The following PTPRM variants were observed in gnomAD, a reference collection of about 807,000 sequenced individuals.
The protein encoded by PTPRM is protein tyrosine phosphatase receptor type M, also known as receptor-type tyrosine-protein phosphatase mu.
In PTPRM, 47 loss-of-function variants were observed where a neutral mutation model predicts 186.7. The observed-to-expected ratio is 0.25, with a 90% CI of 0.20 to 0.32. PTPRM has a LOEUF of 0.32. Ranked by LOEUF, PTPRM falls within the 10% of genes least tolerant of loss-of-function variation. The pLI is 1.00. For synonymous variants in PTPRM, 668 were observed against 674.9 expected, an observed-to-expected ratio of 0.99 and a Z score of 0.16; for missense variants, 1,494 against 1,865.0, an observed-to-expected ratio of 0.80 and a Z score of 3.66.
intron 7 of PTPRM, among the ~76,000 whole-genome samples, chr18:8,016,334 A>G (rs1042257615): frequency 1.3e-5 from 2 of 152,146 alleles, no homozygotes; most frequent in African/African-American, 4.8e-5. Flanking sequence ...AGCCTGGCCA[A>G]CATGGTGAAA....
At chr18:8,007,143 G>C (rs1036131866) in intron 7 of PTPRM, among the ~76,000 whole-genome samples, 18 of 152,176 alleles carry the variant, frequency 1.2e-4, no homozygotes, top group African/African-American at 4.3e-4. Flanking sequence ...GGAATCTGCA[G>C]TTTCACAAGT....
chr18:8,230,083 C>G (rs2094266873), intron 14 of PTPRM, among the ~76,000 whole-genome samples: 1 of 152,190 alleles, frequency 6.6e-6, no homozygotes, highest in Non-Finnish European at 1.5e-5. Flanking sequence ...GTCCTTCTGT[C>G]TGGTTTCTTT....
intron 1 of PTPRM, among the ~76,000 whole-genome samples, chr18:7,676,688 T>C (rs73939330): frequency 0.18 from 27,718 of 150,004 alleles, 4,839 homozygotes; most frequent in African/African-American, 0.45. Context: ...TGTGTGTGTG[T>C]GCGCGTGCAC....
At chr18:7,936,243 C>G (rs1165275351) in intron 5 of PTPRM, among the ~76,000 whole-genome samples, 1 of 152,170 alleles carries the variant, frequency 6.6e-6, no homozygotes, top group Non-Finnish European at 1.5e-5. Flanking sequence ...AGGCTGGGAG[C>G]AGGCAGGAGC....
chr18:7,937,237 G>A (rs571169436), intron 5 of PTPRM, among the ~76,000 whole-genome samples: 57 of 152,322 alleles, frequency 3.7e-4, no homozygotes, highest in Admixed American at 1.2e-3. Flanking sequence ...AAGGAGAGAA[G>A]ACCTACAGCC....
chr18:8,316,724 T>G (rs999916737), intron 21 of PTPRM, among the ~76,000 whole-genome samples: 1 of 152,108 alleles, frequency 6.6e-6, no homozygotes, highest in African/African-American at 2.4e-5. Flanking sequence ...ATTAGAAAGT[T>G]GTATGTACTG....
chr18:7,767,839 T>C (rs2042085463), intron 1 of PTPRM, among the ~76,000 whole-genome samples: 1 of 152,342 alleles, frequency 6.6e-6, no homozygotes. Context: ...GTTGATTTTG[T>C]CACATTTTGC....
chr18:8,179,822 C>A (rs551539548), intron 14 of PTPRM, among the ~76,000 whole-genome samples: 62 of 152,282 alleles, frequency 4.1e-4, no homozygotes, highest in African/African-American at 1.4e-3. Flanking sequence ...AACAATTTAC[C>A]ATACAAGATC....
At chr18:7,845,970 C>G (rs2046574183) in intron 2 of PTPRM, among the ~76,000 whole-genome samples, 1 of 152,150 alleles carries the variant, frequency 6.6e-6, no homozygotes. Flanking sequence ...CTATTTGAAA[C>G]AGCTGAAGCT....
intron 2 of PTPRM, among the ~76,000 whole-genome samples, chr18:7,826,122 C>G (rs2045471960): frequency 2.0e-5 from 3 of 152,322 alleles, no homozygotes; most frequent in Admixed American, 2.0e-4. Context: ...CTCTGTGTCA[C>G]TGAGTGAGGC....
chr18:8,379,067 G>A (rs907180836), intron 27 of PTPRM, 100 bp from the exon 28 acceptor site: 4 of 968,118 alleles, frequency 4.1e-6, no homozygotes, highest in Non-Finnish European at 5.9e-6. Context: ...GGACCGTCTT[G>A]CAGTCAGCCA....
chr18:8,035,351 C>T (rs1338527294), intron 7 of PTPRM, among the ~76,000 whole-genome samples: 2 of 152,020 alleles, frequency 1.3e-5, no homozygotes, highest in Non-Finnish European at 2.9e-5. Context: ...ATATAATCAT[C>T]CCTCAGTATC....
At chr18:7,623,638 GT>G (rs576249486) in intron 1 of PTPRM, among the ~76,000 whole-genome samples, 55 of 152,154 alleles carry the variant, frequency 3.6e-4, no homozygotes, top group Admixed American at 5.2e-4. Context: ...GCTCCTAACA[GT>G]TTTTCATTAT....
intron 2 of PTPRM, among the ~76,000 whole-genome samples, chr18:7,826,525 T>C (rs1320309657): frequency 1.3e-5 from 2 of 152,216 alleles, no homozygotes; most frequent in Admixed American, 1.3e-4. Context: ...TCATTTATCG[T>C]GTAGCTCAGT....
At chr18:8,182,514 T>G (rs2093589734) in intron 14 of PTPRM, among the ~76,000 whole-genome samples, 1 of 152,258 alleles carries the variant, frequency 6.6e-6, no homozygotes, top group Non-Finnish European at 1.5e-5. Flanking sequence ...TCTCTTGCAC[T>G]TATTTGTTGC....
intron 22 of PTPRM, among the ~76,000 whole-genome samples, chr18:8,342,521 G>A (rs1303453635): frequency 6.6e-6 from 1 of 152,172 alleles, no homozygotes; most frequent in Non-Finnish European, 1.5e-5. Flanking sequence ...ATTGGGTTCT[G>A]GTCCTGGATG....
intron 3 of PTPRM, among the ~76,000 whole-genome samples, chr18:7,905,850 G>C (rs1249492240): frequency 6.6e-6 from 1 of 152,022 alleles, no homozygotes; most frequent in Non-Finnish European, 1.5e-5. Flanking sequence ...ACCCCACATG[G>C]TCCAGTGTGG....
chr18:8,375,829 C>T (rs2095691051), intron 24 of PTPRM, among the ~76,000 whole-genome samples: 1 of 152,218 alleles, frequency 6.6e-6, no homozygotes, highest in Non-Finnish European at 1.5e-5. Context: ...TTTCCCCAAA[C>T]ATCATCCCCC....
chr18:8,243,125 G>T (rs369371486), intron 14 of PTPRM, among the ~76,000 whole-genome samples: 1 of 152,142 alleles, frequency 6.6e-6, no homozygotes, highest in Non-Finnish European at 1.5e-5. Flanking sequence ...TGTGTTACCT[G>T]TTTATTTATG....
Sources: allele counts gnomAD v4.1 joint callset (sites outside exome capture counted in the v4.1 genomes callset), GRCh38; gene constraint gnomAD v4.1.1; transcripts MANE v1.5; gene names NCBI Gene and HGNC (gene_info 2026-07-23, HGNC 2026-07-21).